ACTR3: variants seen among roughly 807,000 people sequenced by gnomAD.
ACTR3 encodes actin-related protein 3.
In ACTR3, 12 loss-of-function variants were observed where a neutral mutation model predicts 56.8. The observed-to-expected ratio is 0.21, with a 90% CI of 0.14 to 0.34. The LOEUF (loss-of-function observed/expected upper bound fraction) is 0.34, where lower values mean the gene tolerates loss of function less well. Ranked by LOEUF, ACTR3 falls within the 10% of genes least tolerant of loss-of-function variation. The probability of loss-of-function intolerance (pLI) is 1.00; values close to 1 mark genes in which losing one functional copy is unlikely to be tolerated. For synonymous variants in ACTR3, 162 were observed against 167.4 expected, an observed-to-expected ratio of 0.97 and a Z score of 0.25; for missense variants, 282 against 512.5, an observed-to-expected ratio of 0.55 and a Z score of 4.34.
At chr2:113,893,810 T>C (rs1678953950) in intron 1 of ACTR3, among the ~76,000 whole-genome samples, 1 of 152,186 alleles carries the variant, frequency 6.6e-6, no homozygotes, top group Admixed American at 6.5e-5. Flanking sequence ...TATAGCCCTA[T>C]GGTCAAAGTC....
chr2:113,891,075 C>G (rs1426946823), intron 1 of ACTR3, among the ~76,000 whole-genome samples: 1 of 152,182 alleles, frequency 6.6e-6, no homozygotes, highest in Non-Finnish European at 1.5e-5. Flanking sequence ...TGCTTTCAGT[C>G]TTTTATACCC....
At position 113,959,781 on chromosome 2, in the gene ACTR3, T is replaced by C. The variant is rs1680293566; in HGVS notation, c.*2326T>C. The C allele has an allele frequency of 1.3e-5, 2 of 152,074 alleles. No individual in the cohort carries two copies. Among genetic ancestry groups the C allele is most frequent in the Non-Finnish European group, 2.9e-5 (2 of 67,932 alleles). 9.4% of individuals were successfully genotyped at this position (152,074 alleles called of 1,614,324 possible). A position where few individuals can be genotyped will look rare whatever the true frequency, so the allele number is the denominator to read the frequency against. On this transcript the variant is annotated 3_prime_UTR_variant, in exon 12 of 12. Coordinates refer to ENST00000263238, the MANE Select transcript of ACTR3 (RefSeq NM_005721.5). Reference sequence around the variant, plus strand: ...AATAGTCTGTAACATTGATTAGATATCAAGCAACGTGAGCATGGTAGCAAA... The same window carrying C: ...AATAGTCTGTAACATTGATTAGATACCAAGCAACGTGAGCATGGTAGCAAA...
intron 7 of ACTR3, among the ~76,000 whole-genome samples, chr2:113,941,528 A>G (rs1380524756): frequency 1.3e-5 from 2 of 152,126 alleles, no homozygotes; most frequent in African/African-American, 4.8e-5. Flanking sequence ...GTGATGTGTA[A>G]AAATACTGGA....
At chr2:113,912,744 T>A (rs1679330701) in intron 1 of ACTR3, among the ~76,000 whole-genome samples, 1 of 152,216 alleles carries the variant, frequency 6.6e-6, no homozygotes, top group Non-Finnish European at 1.5e-5. Context: ...GTTCAATAAG[T>A]AATATATTTT....
At chr2:113,919,116 A>G (rs568399882) in intron 3 of ACTR3, among the ~76,000 whole-genome samples, 1 of 152,338 alleles carries the variant, frequency 6.6e-6, no homozygotes, top group South Asian at 2.1e-4. Context: ...ATTTTAAAGT[A>G]AATTGTACAT....
chr2:113,956,641 A>G (rs576972102), intron 11 of ACTR3, among the ~76,000 whole-genome samples: 1 of 152,310 alleles, frequency 6.6e-6, no homozygotes, highest in South Asian at 2.1e-4. Context: ...GCCCCCTAAA[A>G]AGGTGTTCTA....
chr2:113,951,894 T>G lies in ACTR3; in HGVS notation c.1077+49T>G, dbSNP rs567552697. ...AGAAGGTTGAGGGTGCCTTCCTTGA[T>G]TAGGATGAGAAATATTTGCCAGCAT... On this transcript the variant is annotated intron_variant, in intron 10 of 11. Coordinates refer to ENST00000263238, the MANE Select transcript of ACTR3 (RefSeq NM_005721.5). 15 of 1,602,134 alleles carry G rather than the reference T, an allele frequency of 9.4e-6. No homozygotes were observed. The East Asian group carries it at 3.4e-4, about 36-fold the overall frequency.
At position 113,958,281 on chromosome 2, in the gene ACTR3, T is replaced by G. The variant is rs1680259478; in HGVS notation, c.*826T>G. The G allele has an allele frequency of 6.6e-6, 1 of 152,620 alleles. No homozygotes were observed. Among genetic ancestry groups the G allele is most frequent in the South Asian group, 2.1e-4 (1 of 4,830 alleles). The allele number at this position is 152,620 out of a possible 1,614,324, so 9.5% of individuals were successfully genotyped here. On this transcript the variant is annotated 3_prime_UTR_variant, in exon 12 of 12. Transcript: ENST00000263238. ...AATACTTGTTTCAGCCTCTTTAATC[T>G]CTTTATAAGTTAACTAATAAATCTA...
intron 1 of ACTR3, among the ~76,000 whole-genome samples, chr2:113,895,192 C>T (rs1426825788): frequency 6.6e-6 from 1 of 151,756 alleles, no homozygotes; most frequent in Non-Finnish European, 1.5e-5. Context: ...TAGCATTTAT[C>T]GAGAATTGTA....
rs149894244 is a variant in ACTR3, at chr2:113,911,734, T to A, written c.45-1438T>A. 1.5e-3 allele frequency among the ~76,000 whole-genome samples: 231 copies of A among 151,964 alleles called. 1 individual carries two copies. The highest frequency in any genetic ancestry group is 5.3e-3 in the African/African-American group (218 of 41,446). On this transcript the variant is annotated intron_variant, in intron 1 of 11. Transcript: ENST00000263238. The stretch of plus-strand genomic sequence containing the variant: ...CTAAAACATTCCCCAAAGATATTGT[T>A]TATTTATTTGTTTATTTTTTGAGAC...
intron 8 of ACTR3, among the ~76,000 whole-genome samples, chr2:113,946,165 G>A (rs889446686): frequency 2.6e-5 from 4 of 152,090 alleles, no homozygotes; most frequent in Admixed American, 6.6e-5. Flanking sequence ...GGATTGCTGG[G>A]TTGAATATTT....
chr2:113,916,149 T>C (rs1483120478), intron 2 of ACTR3, among the ~76,000 whole-genome samples: 1 of 152,212 alleles, frequency 6.6e-6, no homozygotes, highest in Non-Finnish European at 1.5e-5. Context: ...ATATAGCTGT[T>C]ACTAAATGAA....
At chr2:113,916,394 A>C (rs1435477648) in intron 2 of ACTR3, among the ~76,000 whole-genome samples, 2 of 152,222 alleles carry the variant, frequency 1.3e-5, no homozygotes, top group African/African-American at 4.8e-5. Context: ...TATTACATTT[A>C]AATTACTAGA....
chr2:113,898,358 A>T (rs1679045491), intron 1 of ACTR3, among the ~76,000 whole-genome samples: 1 of 152,206 alleles, frequency 6.6e-6, no homozygotes, highest in Non-Finnish European at 1.5e-5. Context: ...CTTCATTTAC[A>T]AATGAAACAG....
intron 3 of ACTR3, among the ~76,000 whole-genome samples, chr2:113,919,493 C>G (rs892954883): frequency 1.3e-5 from 2 of 151,916 alleles, no homozygotes; most frequent in Non-Finnish European, 2.9e-5. Context: ...AACATGGTAC[C>G]CTACTTCCTA....
In ACTR3 at chr2:113,890,719, C is replaced by A. The variant is rs1051298527; in HGVS notation, c.44+396C>A. On this transcript the variant is annotated intron_variant, in intron 1 of 11. Transcript: ENST00000263238. Reference sequence around the variant, plus strand: ...CCGTTTTTGCCAGTCGGTTTGGGGACCCAGGGGCCGAGCTCGGGGACTGGC... The same window carrying A: ...CCGTTTTTGCCAGTCGGTTTGGGGAACCAGGGGCCGAGCTCGGGGACTGGC... 6.5e-6 allele frequency: 7 copies of A among 1,081,544 alleles called. No homozygotes were observed. The African/African-American group carries it at 1.2e-4, about 18-fold the overall frequency. The allele number at this position is 1,081,544 out of a possible 1,614,324, so 67.0% of individuals were successfully genotyped here. A position where few individuals can be genotyped will look rare whatever the true frequency, so the allele number is the denominator to read the frequency against.
rs1680122580 is a variant in ACTR3 at position 113,951,648 on chromosome 2, C to T, written c.952-72C>T. ...ACCTCTCATAAAAAGGATATAATAGCATTTCAGTACTATATATTATATCTT... is the reference window on the plus strand; with the variant it reads ...ACCTCTCATAAAAAGGATATAATAGTATTTCAGTACTATATATTATATCTT... On this transcript the variant is annotated intron_variant, in intron 9 of 11. Transcript: ENST00000263238. 2.0e-6 allele frequency: 3 copies of T among 1,471,886 alleles called. No homozygotes were observed. In the East Asian group the frequency reaches 7.2e-5, roughly 35 times the overall value. The allele number at this position is 1,471,886 out of a possible 1,614,324, so 91.2% of individuals were successfully genotyped here.
Position 113,931,212 on chromosome 2 carries a change from G to A in ACTR3, c.337-89G>A, listed in dbSNP as rs751892514. On this transcript the variant is annotated intron_variant, in intron 4 of 11. Coordinates refer to ENST00000263238, the MANE Select transcript of ACTR3 (RefSeq NM_005721.5). The stretch of plus-strand genomic sequence containing the variant: ...TTAATGCATTTTAAATAAAATGTTT[G>A]AAATAAATTACTTCTCATTTAAAAA... 53 of 719,410 alleles carry A rather than the reference G, an allele frequency of 7.4e-5. No homozygotes were observed. The Middle Eastern group carries it at 1.3e-3, about 17-fold the overall frequency. The allele number at this position is 719,410 out of a possible 1,614,324, so 44.6% of individuals were successfully genotyped here. A position where few individuals can be genotyped will look rare whatever the true frequency, so the allele number is the denominator to read the frequency against.
At chr2:113,937,507 A>AC (rs1679851129) in intron 6 of ACTR3, among the ~76,000 whole-genome samples, 1 of 152,214 alleles carries the variant, frequency 6.6e-6, no homozygotes, top group African/African-American at 2.4e-5. Context: ...TGTCAAAATG[A>AC]CATCCTTCAA....
Sources: gnomAD v4.1 joint callset for allele counts (sites outside exome capture counted in the v4.1 genomes callset) on GRCh38, gnomAD v4.1.1 for gene constraint, MANE v1.5 for transcripts, NCBI Gene and HGNC (gene_info 2026-07-23, HGNC 2026-07-21) for gene names.